The following SLC25A51 variants were observed in gnomAD, a reference collection of about 807,000 sequenced individuals.
The protein encoded by SLC25A51 is mitochondrial nicotinamide adenine dinucleotide transporter SLC25A51.
SLC25A51 carries 11 observed loss-of-function variants against 19.1 expected under a neutral mutation model. The ratio of observed to expected loss-of-function variants is 0.58; its 90% confidence interval spans 0.36 to 0.96. The LOEUF is 0.96. Among genes scored for constraint, SLC25A51 ranks in the 40% least tolerant of loss-of-function variants. The pLI is 0.01. For synonymous variants in SLC25A51, 105 were observed against 133.6 expected, an observed-to-expected ratio of 0.79 and a Z score of 1.47; for missense variants, 201 against 365.4, an observed-to-expected ratio of 0.55 and a Z score of 3.67.
At chr9:37,885,587 C>T, downstream of SLC25A51, 1 of 708,026 alleles carries the variant, frequency 1.4e-6, no homozygotes, top group Non-Finnish European at 2.5e-6. Flanking sequence ...GATGGGGTTT[C>T]ACTGTGAGTT....
At chr9:37,885,196 G>A (rs890203260), downstream of SLC25A51, among the ~76,000 whole-genome samples, 4 of 151,964 alleles carry the variant, frequency 2.6e-5, no homozygotes, top group East Asian at 1.9e-4. Flanking sequence ...TCCTCTGGCC[G>A]GTCACAGCCA....
chr9:37,886,334 C>A, downstream of SLC25A51: 1 of 1,613,654 alleles, frequency 6.2e-7, no homozygotes, highest in Non-Finnish European at 8.5e-7. Flanking sequence ...TGAGGAGCAG[C>A]CTGTGGCTTC....
At chr9:37,887,331 A>AT (rs1006560104), downstream of SLC25A51, among the ~76,000 whole-genome samples, 5 of 152,014 alleles carry the variant, frequency 3.3e-5, no homozygotes, top group African/African-American at 1.2e-4. Flanking sequence ...AAAAAAAAAA[A>AT]AGTATAAGCC....
At chr9:37,890,968 GAACTGCTC>G (rs1316040369) in intron 2 of SLC25A51, among the ~76,000 whole-genome samples, 1 of 152,102 alleles carries the variant, frequency 6.6e-6, no homozygotes, top group Admixed American at 6.6e-5. Flanking sequence ...ATGCTGTGGT[GAACTGCTC>G]AACACTCAGG....
chr9:37,884,605 T>C (rs1352263787), downstream of SLC25A51, among the ~76,000 whole-genome samples: 1 of 152,222 alleles, frequency 6.6e-6, no homozygotes, highest in South Asian at 2.1e-4. Context: ...CAAAATGTTA[T>C]GGAAGTGTTT....
exon 4 of SLC25A51, chr9:37,879,709 G>A (rs778085776): frequency 2.6e-5 from 4 of 152,238 alleles, no homozygotes; most frequent in Non-Finnish European, 4.4e-5. Flanking sequence ...ACCGAGTCCT[G>A]AGAGTGTAAG....
chr9:37,889,983 T>C (rs1489596336), intron 2 of SLC25A51, among the ~76,000 whole-genome samples: 2 of 151,814 alleles, frequency 1.3e-5, no homozygotes, highest in African/African-American at 4.8e-5. Context: ...AATAGAAATA[T>C]ATAGAAACTT....
intron 2 of SLC25A51, among the ~76,000 whole-genome samples, chr9:37,889,084 G>A (rs1249213089): frequency 6.6e-6 from 1 of 152,040 alleles, no homozygotes; most frequent in Admixed American, 6.6e-5. Flanking sequence ...TAAACAAAGG[G>A]TGTTTGGGGC....
At chr9:37,892,420 G>A (rs2118339265) in intron 2 of SLC25A51, among the ~76,000 whole-genome samples, 1 of 152,356 alleles carries the variant, frequency 6.6e-6, no homozygotes, top group East Asian at 1.9e-4. Context: ...ACTTGTGTAT[G>A]CCCTGCAGGG....
intron 2 of SLC25A51, among the ~76,000 whole-genome samples, chr9:37,892,269 A>G (rs893180141): frequency 1.3e-5 from 2 of 152,248 alleles, no homozygotes; most frequent in African/African-American, 4.8e-5. Flanking sequence ...CAGGCAGGAC[A>G]TGACCCGTGG....
chr9:37,901,439 G>A (rs1298051340), intron 1 of SLC25A51, among the ~76,000 whole-genome samples: 1 of 152,218 alleles, frequency 6.6e-6, no homozygotes, highest in Non-Finnish European at 1.5e-5. Flanking sequence ...AAAGTGCTGG[G>A]ATTACAGGTG....
chr9:37,893,561 A>AC (rs1423167116), intron 2 of SLC25A51, among the ~76,000 whole-genome samples: 1 of 152,096 alleles, frequency 6.6e-6, no homozygotes, highest in Non-Finnish European at 1.5e-5. Context: ...GAGCCATACC[A>AC]CCTCTAAGGT....
chr9:37,882,321 C>T (rs1324517120), intron 2 of SLC25A51, among the ~76,000 whole-genome samples: 3 of 152,182 alleles, frequency 2.0e-5, no homozygotes, highest in African/African-American at 7.2e-5. Flanking sequence ...TACACTGAAC[C>T]AGTGTTCGTT....
Position 37,887,708 on chromosome 9 carries a change from G to A in SLC25A51, c.843C>T (p.Ile281=). 6.2e-7 allele frequency: 1 copy of A among 1,613,710 alleles called. No homozygotes were observed. Among genetic ancestry groups the A allele is most frequent in the East Asian group, 2.2e-5 (1 of 44,888 alleles). Residue 281 remains isoleucine (I), a synonymous_variant, in exon 3 of 3, where the codon ATC becomes ATT. Coordinates refer to ENST00000242275, the MANE Select transcript of SLC25A51 (RefSeq NM_033412.4). ...AAGTTGCATTGATTATGCCCCAAGA[G>A]ATGAGGGACCGATGGTAATTCAGAT... ...GAHLNYHRSL[I]SWGIINATYE...
chr9:37,903,085 A>C (rs1489296210), intron 1 of SLC25A51, among the ~76,000 whole-genome samples: 1 of 152,086 alleles, frequency 6.6e-6, no homozygotes, highest in African/African-American at 2.4e-5. Context: ...AGATGAGTCA[A>C]CTCCTAGCTT....
At chr9:37,890,559 T>C (rs1214537767) in intron 2 of SLC25A51, among the ~76,000 whole-genome samples, 1 of 151,780 alleles carries the variant, frequency 6.6e-6, no homozygotes, top group Non-Finnish European at 1.5e-5. Flanking sequence ...AAATAAATTT[T>C]TGGGGCATGA....
rs1394966225 is a variant in SLC25A51, at chr9:37,888,456, T to C, written c.95A>G (p.Lys32Arg). The C allele has an allele frequency of 6.2e-7, 1 of 1,614,286 alleles. No individual in the cohort carries two copies. The highest frequency in any genetic ancestry group is 8.5e-7 in the Non-Finnish European group (1 of 1,180,050). ...SPHITNVGEM[K>R]HYLCGCCAAF... ...TGCACAGCAGCCACACAAGTAATGC[T>C]TCATCTCACCAACATTTGTAATATG... is the stretch of plus-strand genomic sequence containing the variant. The change falls in exon 3 of 3, where the codon AAG becomes AGG. Residue 32 changes from lysine to arginine, a missense_variant. Lys to Arg is a conservative substitution (Grantham distance 26). Coordinates refer to ENST00000242275, the MANE Select transcript of SLC25A51 (RefSeq NM_033412.4).
At chr9:37,892,416 G>A (rs771623016) in intron 2 of SLC25A51, among the ~76,000 whole-genome samples, 1 of 152,238 alleles carries the variant, frequency 6.6e-6, no homozygotes, top group African/African-American at 2.4e-5. Flanking sequence ...GGTTACTTGT[G>A]TATGCCCTGC....
chr9:37,892,880 C>T (rs1362548757), intron 2 of SLC25A51, among the ~76,000 whole-genome samples: 1 of 152,140 alleles, frequency 6.6e-6, no homozygotes, highest in Non-Finnish European at 1.5e-5. Context: ...GCTGGGATTA[C>T]AAGTGCGCAC....
Sources: allele counts gnomAD v4.1 joint callset (sites outside exome capture counted in the v4.1 genomes callset), GRCh38; gene constraint gnomAD v4.1.1; transcripts MANE v1.5; gene names NCBI Gene and HGNC (gene_info 2026-07-23, HGNC 2026-07-21).